The following CAMK1D variants were observed in gnomAD, a reference collection of about 807,000 sequenced individuals.
CAMK1D encodes calcium/calmodulin dependent protein kinase ID.
CAMK1D carries 9 observed loss-of-function variants against 47.7 expected under a neutral mutation model. The observed-to-expected ratio is 0.19, with a 90% CI of 0.11 to 0.33. The LOEUF (loss-of-function observed/expected upper bound fraction) is 0.33, where lower values mean the gene tolerates loss of function less well. Ranked by LOEUF, CAMK1D falls within the 10% of genes least tolerant of loss-of-function variation. The pLI is 1.00. For synonymous variants in CAMK1D, 184 were observed against 184.9 expected (o/e 0.99, Z 0.04); for missense variants, 291 against 488.7 (o/e 0.60, Z 3.81).
At position 12,744,333 on chromosome 10, in the gene CAMK1D, A is replaced by G. The variant is rs569262460; in HGVS notation, c.300-16615A>G. ...ATGTGTGTTTTCAGATCTCACAGGT[A>G]TATACCTAAGGAATGAAATTGCTAG... On this transcript the variant is annotated intron_variant, in intron 3 of 10. Coordinates refer to ENST00000619168, the MANE Select transcript of CAMK1D (RefSeq NM_153498.4). Among the ~76,000 whole-genome samples, 17 of 152,260 alleles carry G rather than the reference A, an allele frequency of 1.1e-4. No individual in the cohort carries two copies. In the South Asian group the frequency reaches 1.7e-3, roughly 15 times the overall value.
chr10:12,364,842 T>G (rs954953544), intron 1 of CAMK1D, among the ~76,000 whole-genome samples: 4 of 152,136 alleles, frequency 2.6e-5, no homozygotes, highest in African/African-American at 9.7e-5. Context: ...CTTAGACTTT[T>G]AGGAGTCGCT....
intron 1 of CAMK1D, among the ~76,000 whole-genome samples, chr10:12,415,554 C>T (rs1339379121): frequency 1.3e-5 from 2 of 149,960 alleles, no homozygotes; most frequent in Non-Finnish European, 3.0e-5. Flanking sequence ...CCTGCCTTGG[C>T]CTCCCAAAGT....
intron 3 of CAMK1D, among the ~76,000 whole-genome samples, chr10:12,751,094 A>AAGATAAGATAAGAT (rs1835943838): frequency 1.1e-5 from 1 of 92,660 alleles, no homozygotes; most frequent in East Asian, 3.6e-4. Flanking sequence ...AAGATAAGAT[A>AAGATAAGATAAGAT]AGATAAGATA....
At chr10:12,596,195 G>A (rs370292525) in intron 2 of CAMK1D, among the ~76,000 whole-genome samples, 11 of 152,162 alleles carry the variant, frequency 7.2e-5, no homozygotes, top group African/African-American at 1.7e-4. Flanking sequence ...AGAAACTGTC[G>A]ACAAAATAAA....
intron 1 of CAMK1D, among the ~76,000 whole-genome samples, chr10:12,391,787 C>T (rs1031407292): frequency 7.9e-5 from 12 of 152,058 alleles, no homozygotes; most frequent in African/African-American, 2.7e-4. Flanking sequence ...AGACTAGAAC[C>T]GAATCATCCA....
At chr10:12,550,447 C>T (rs1048575410) in intron 1 of CAMK1D, among the ~76,000 whole-genome samples, 6 of 152,126 alleles carry the variant, frequency 3.9e-5, no homozygotes, top group African/African-American at 1.4e-4. Context: ...TGAGGTGCAG[C>T]CACCTGTCTC....
chr10:12,364,230 G>T (rs1253704827), intron 1 of CAMK1D, among the ~76,000 whole-genome samples: 2 of 142,718 alleles, frequency 1.4e-5, no homozygotes, highest in Non-Finnish European at 3.0e-5. Context: ...ACTCCAATGC[G>T]CATTCTCTTT....
In CAMK1D at chr10:12,363,184, G is replaced by A. The variant is rs553104180; in HGVS notation, c.92+13274G>A. Among the ~76,000 whole-genome samples, 9 of 147,270 alleles carry A rather than the reference G, an allele frequency of 6.1e-5. 2 individuals carry two copies. The highest frequency in any genetic ancestry group is 1.8e-4 in the African/African-American group (7 of 39,810). On this transcript the variant is annotated intron_variant, in intron 1 of 10. Transcript: ENST00000619168. Reference sequence around the variant, plus strand: ...TTGAACTCTTGATCTCACATGATCCGCCCGCCTCGGCCTCCCAAAGTGCTG... The same window carrying A: ...TTGAACTCTTGATCTCACATGATCCACCCGCCTCGGCCTCCCAAAGTGCTG...
intron 2 of CAMK1D, among the ~76,000 whole-genome samples, chr10:12,651,015 A>C (rs1839946244): frequency 6.6e-6 from 1 of 152,196 alleles, no homozygotes; most frequent in Admixed American, 6.5e-5. Context: ...ACGGGGCTTC[A>C]TGAGACTGGG....
At chr10:12,443,451 T>G (rs904561554) in intron 1 of CAMK1D, among the ~76,000 whole-genome samples, 4 of 152,146 alleles carry the variant, frequency 2.6e-5, no homozygotes, top group African/African-American at 9.7e-5. Flanking sequence ...TATAGTCGTG[T>G]TACAGGAAAG....
intron 3 of CAMK1D, among the ~76,000 whole-genome samples, chr10:12,735,554 G>A (rs987457824): frequency 2.0e-5 from 3 of 152,110 alleles, no homozygotes; most frequent in South Asian, 2.1e-4. Context: ...CGGTCTCTTC[G>A]CCACTGCCCT....
chr10:12,816,468 C>T, intron 8 of CAMK1D, 140 bp downstream of exon 8: 1 of 671,730 alleles, frequency 1.5e-6, no homozygotes, highest in Non-Finnish European at 2.6e-6. Context: ...CAGTGACTTT[C>T]CTCCTCTCCC....
At chr10:12,739,151 C>A (rs889330873) in intron 3 of CAMK1D, among the ~76,000 whole-genome samples, 1 of 152,056 alleles carries the variant, frequency 6.6e-6, no homozygotes, top group Admixed American at 6.5e-5. Context: ...GCAGGAGGAT[C>A]GCTTAAGCCC....
At chr10:12,408,848 CT>C (rs113921067) in intron 1 of CAMK1D, among the ~76,000 whole-genome samples, 23,446 of 121,804 alleles carry the variant, frequency 0.19, 1,421 homozygotes, top group Admixed American at 0.29. Context: ...TTCTTTCTTT[CT>C]TTTTTTTTTT....
chr10:12,756,969 A>G (rs1836260008), intron 3 of CAMK1D, among the ~76,000 whole-genome samples: 1 of 152,160 alleles, frequency 6.6e-6, no homozygotes, highest in African/African-American at 2.4e-5. Flanking sequence ...GTGCAGAGGC[A>G]GGCTGTTGTA....
intron 1 of CAMK1D, among the ~76,000 whole-genome samples, chr10:12,476,240 C>T (rs997876184): frequency 6.6e-6 from 1 of 150,964 alleles, no homozygotes; most frequent in Non-Finnish European, 1.5e-5. Flanking sequence ...TGCAGTGAGC[C>T]GAGATCACAC....
At chr10:12,526,084 T>C (rs1835612202) in intron 1 of CAMK1D, among the ~76,000 whole-genome samples, 1 of 152,220 alleles carries the variant, frequency 6.6e-6, no homozygotes, top group Non-Finnish European at 1.5e-5. Flanking sequence ...TTGAACATTA[T>C]GTTGTGAGAT....
At chr10:12,420,343 A>T (rs1228522832) in intron 1 of CAMK1D, among the ~76,000 whole-genome samples, 2 of 152,124 alleles carry the variant, frequency 1.3e-5, no homozygotes, top group African/African-American at 4.8e-5. Context: ...TTTTCATATT[A>T]CCCTTGATGG....
intron 6 of CAMK1D, among the ~76,000 whole-genome samples, chr10:12,798,083 A>G (rs1420016981): frequency 6.6e-6 from 1 of 152,200 alleles, no homozygotes; most frequent in Admixed American, 6.5e-5. Flanking sequence ...TAGAGAGGGC[A>G]CCACAGAGCG....
Sources: allele counts gnomAD v4.1 joint callset (sites outside exome capture counted in the v4.1 genomes callset), GRCh38; gene constraint gnomAD v4.1.1; transcripts MANE v1.5; gene names NCBI Gene and HGNC (gene_info 2026-07-23, HGNC 2026-07-21).